Variants in PCDHA8 observed in about 807,000 individuals in gnomAD.
PCDHA8 encodes the protein protocadherin alpha-8.
In PCDHA8, 53 loss-of-function variants were observed where a neutral mutation model predicts 61.8. That is an observed-to-expected ratio of 0.86 (90% CI 0.69 to 1.08). PCDHA8 has a LOEUF of 1.08. Ranked by LOEUF, PCDHA8 falls within the 50% of genes least tolerant of loss-of-function variation. The pLI is 0.00. For synonymous variants in PCDHA8, 618 were observed against 556.6 expected (o/e 1.11, Z -1.55); for missense variants, 1,293 against 1,245.0 (o/e 1.04, Z -0.58).
intron 1 of PCDHA8, chr5:140,855,966 T>C (rs1554148056): frequency 7.0e-7 from 1 of 1,422,664 alleles, no homozygotes; most frequent in South Asian, 1.4e-5. Flanking sequence ...AAAATAGATA[T>C]AAGAAATAGG....
intron 1 of PCDHA8, chr5:140,926,714 C>G: frequency 1.1e-6 from 1 of 951,084 alleles, no homozygotes; most frequent in Non-Finnish European, 1.4e-6. Context: ...TGGCCAGCCC[C>G]GGCAATGCCG....
chr5:140,854,061 C>A, intron 1 of PCDHA8: 1 of 279,894 alleles, frequency 3.6e-6, no homozygotes, highest in Non-Finnish European at 5.4e-6. Flanking sequence ...ACTCAGGAGG[C>A]TGAGGCGAGA....
chr5:140,916,717 T>C (rs781839792), intron 1 of PCDHA8, among the ~76,000 whole-genome samples: 1 of 151,908 alleles, frequency 6.6e-6, no homozygotes, highest in South Asian at 2.1e-4. Flanking sequence ...AAGGAAGGAG[T>C]GACTTTTGTT....
At chr5:140,897,458 G>T (rs191522392) in intron 1 of PCDHA8, among the ~76,000 whole-genome samples, 1 of 151,310 alleles carries the variant, frequency 6.6e-6, no homozygotes, top group African/African-American at 2.4e-5. Flanking sequence ...TTGTCCTTGC[G>T]ATAGTTTACT....
chr5:140,998,908 G>A (rs1203319313), intron 3 of PCDHA8, among the ~76,000 whole-genome samples: 2 of 152,162 alleles, frequency 1.3e-5, no homozygotes, highest in East Asian at 1.9e-4. Context: ...CCTCCGGGAG[G>A]TAGCTATTAT....
At position 140,928,683 on chromosome 5, in the gene PCDHA8, C is replaced by T. The variant is rs868920923; in HGVS notation, c.2395-50266C>T. ...ACAGTGGTTCTAATGCCTGGCTTTC[C>T]TACCACATCTCCCGGGCGTCTGACT... On this transcript the variant is annotated intron_variant, in intron 1 of 3. Transcript: ENST00000531613. 3.7e-6 allele frequency: 6 copies of T among 1,614,172 alleles called. No individual in the cohort carries two copies. In the Middle Eastern group the frequency reaches 6.6e-4, roughly 178 times the overall value.
At chr5:140,861,334 A>G in intron 1 of PCDHA8, 1 of 250,308 alleles carries the variant, frequency 4.0e-6, no homozygotes, top group Non-Finnish European at 8.2e-6. Context: ...CCATCCTGGA[A>G]GAGGCCAAGG....
chr5:140,992,463 C>T (rs1416840803), intron 3 of PCDHA8, among the ~76,000 whole-genome samples: 1 of 152,162 alleles, frequency 6.6e-6, no homozygotes, highest in Non-Finnish European at 1.5e-5. Flanking sequence ...GAGGACAGTA[C>T]TCTTTAGATC....
chr5:140,921,289 A>G (rs2080153256), intron 1 of PCDHA8, among the ~76,000 whole-genome samples: 1 of 152,172 alleles, frequency 6.6e-6, no homozygotes, highest in African/African-American at 2.4e-5. Flanking sequence ...AAAACCTCAA[A>G]TTTGCTGAAT....
intron 1 of PCDHA8, chr5:140,849,568 C>G: frequency 1.3e-6 from 2 of 1,598,620 alleles, no homozygotes; most frequent in Non-Finnish European, 1.7e-6. Flanking sequence ...CTCTCGGTTC[C>G]TGTAAAAGAG....
intron 1 of PCDHA8, chr5:140,870,398 C>T: frequency 1.2e-6 from 2 of 1,614,234 alleles, no homozygotes; most frequent in Non-Finnish European, 1.7e-6. Context: ...GGGGGTTCGC[C>T]TTCTCTGTGG....
At chr5:140,875,286 G>GA (rs1582198607) in intron 1 of PCDHA8, 2 of 1,381,840 alleles carry the variant, frequency 1.4e-6, no homozygotes, top group South Asian at 3.3e-5. Flanking sequence ...GGTGAAACAG[G>GA]AAAATTTTTT....
rs1228559116 is a variant in PCDHA8, at chr5:140,927,616, G to A, written c.2395-51333G>A. On this transcript the variant is annotated intron_variant, in intron 1 of 3. Coordinates refer to ENST00000531613, the MANE Select transcript of PCDHA8 (RefSeq NM_018911.3). ...TGAGCGCTCCGTATACCGCACCAAG[G>A]TTCCAGAGACTGCACCCAATGGGAC... 1.1e-5 allele frequency: 18 copies of A among 1,614,046 alleles called. No individual in the cohort carries two copies. Among genetic ancestry groups the A allele is most frequent in the Non-Finnish European group, 1.5e-5 (18 of 1,180,038 alleles).
intron 3 of PCDHA8, among the ~76,000 whole-genome samples, chr5:140,991,900 A>G (rs137964856): frequency 9.8e-4 from 149 of 152,250 alleles, no homozygotes; most frequent in African/African-American, 3.0e-3. Context: ...TTAACACAAA[A>G]TCCCTTTTGC....
At chr5:140,925,513 A>G (rs2082534793) in intron 1 of PCDHA8, among the ~76,000 whole-genome samples, 1 of 152,104 alleles carries the variant, frequency 6.6e-6, no homozygotes, top group South Asian at 2.1e-4. Flanking sequence ...CACGCAAAAG[A>G]CCAAATTAAA....
intron 1 of PCDHA8, among the ~76,000 whole-genome samples, chr5:140,900,826 A>G (rs1554189460): frequency 2.0e-5 from 3 of 152,224 alleles, no homozygotes. Flanking sequence ...CATTCCCACC[A>G]ACAATGTACA....
At chr5:140,854,696 T>C (rs190246288) in intron 1 of PCDHA8, 1 of 150,200 alleles carries the variant, frequency 6.7e-6, no homozygotes, top group East Asian at 1.9e-4. Flanking sequence ...TTGTTAAGTT[T>C]TCCTTTCTTG....
At chr5:140,876,697 C>T in intron 1 of PCDHA8, 2 of 1,614,226 alleles carry the variant, frequency 1.2e-6, no homozygotes, top group Middle Eastern at 1.6e-4. Context: ...CTCGTTGGTG[C>T]TGGACAGCGC....
At chr5:140,945,200 A>G (rs2093757745) in intron 1 of PCDHA8, among the ~76,000 whole-genome samples, 1 of 152,168 alleles carries the variant, frequency 6.6e-6, no homozygotes, top group South Asian at 2.1e-4. Context: ...GCTATTTACA[A>G]TAGCTATGAG....
Sources: gnomAD v4.1 joint callset for allele counts (sites outside exome capture counted in the v4.1 genomes callset) on GRCh38, gnomAD v4.1.1 for gene constraint, MANE v1.5 for transcripts, NCBI Gene and HGNC (gene_info 2026-07-23, HGNC 2026-07-21) for gene names.